The following BPIFA1 variants were observed in gnomAD, a reference collection of about 807,000 sequenced individuals.
BPIFA1 encodes the protein BPI fold containing family A member 1, also known as BPI fold-containing family A member 1.
A neutral mutation model predicts 25.1 loss-of-function variants in BPIFA1; 24 were observed. The ratio of observed to expected loss-of-function variants is 0.96; its 90% CI spans 0.69 to 1.35. BPIFA1 has a LOEUF of 1.35. BPIFA1 is among the 40% of genes most tolerant of loss of function. The pLI, the probability that BPIFA1 is intolerant of heterozygous loss-of-function variation, is 0.00. For missense variants in BPIFA1, 344 were observed against 303.7 expected (o/e 1.13, Z -0.99); for synonymous variants, 139 against 131.8 (o/e 1.05, Z -0.37).
chr20:33,238,127 A>G lies in BPIFA1; in HGVS notation c.233A>G (p.Lys78Arg), dbSNP rs745983430. The G allele has an allele frequency of 4.3e-6, 7 of 1,613,940 alleles. No homozygotes were observed. The highest frequency in any genetic ancestry group is 5.9e-6 in the Non-Finnish European group (7 of 1,179,940). ...AACCTTCCGCTCCTGGACATCCTGA[A>G]GCCTGGAGGAGGTACTTCTGGTGGC... ...LENLPLLDIL[K>R]PGGGTSGGLL... The change falls in exon 3 of 9, where the codon AAG becomes AGG. Residue 78 changes from lysine (K) to arginine (R), a missense_variant. By Grantham distance (26) the Lys-to-Arg change is conservative. Transcript: ENST00000354297.
Position 33,242,157 on chromosome 20 carries a change from AG to A in BPIFA1, c.730+40del, listed in dbSNP as rs763739988. 8 of 1,602,382 alleles carry A rather than the reference AG, an allele frequency of 5.0e-6. No individual in the cohort carries two copies. The African/African-American group carries it at 8.0e-5, about 16-fold the overall frequency. ...TTTCAAGCCCTCTGTCCCTCTCTGCAGGAGCAGCAACTTCCCCCAAGGAGTT... is the reference window on the plus strand; with the variant it reads ...TTTCAAGCCCTCTGTCCCTCTCTGCAGAGCAGCAACTTCCCCCAAGGAGTT... On this transcript the variant is annotated intron_variant, in intron 7 of 8. Coordinates refer to ENST00000354297, the MANE Select transcript of BPIFA1 (RefSeq NM_130852.3).
At chr20:33,238,321 A>T in intron 3 of BPIFA1, 107 bp downstream of exon 3, 1 of 1,314,836 alleles carries the variant, frequency 7.6e-7, no homozygotes, top group Non-Finnish European at 1.0e-6. Context: ...GCAGCGAGGG[A>T]GCGGCCTGAA....
In BPIFA1 at chr20:33,238,600, T is replaced by C. The variant is rs1181752939; in HGVS notation, c.320+386T>C. On this transcript the variant is annotated intron_variant, in intron 3 of 8. Transcript: ENST00000354297. ...TATCCTAACTCCAAAGCCAAGGCTC[T>C]TCCCACTACACTGTGGTCATTTTGT... Among the ~76,000 whole-genome samples the C allele has an allele frequency of 3.9e-5, 6 of 152,204 alleles. No individual in the cohort carries two copies. In the South Asian group the frequency reaches 6.2e-4, roughly 16 times the overall value.
At position 33,239,818 on chromosome 20, in the gene BPIFA1, C is replaced by T. The variant is rs758134197; in HGVS notation, c.336C>T (p.Asp112=). ...CCCTGGACAGCATAAAGGTCACTGACCCCCAGCTGCTGGAACTTGGCCTTG... is the reference window on the plus strand; with the variant it reads ...CCCTGGACAGCATAAAGGTCACTGATCCCCAGCTGCTGGAACTTGGCCTTG... ...LNNIIDIKVT[D]PQLLELGLVQ... The change falls in exon 4 of 9, where the codon GAC becomes GAT. Residue 112 remains aspartate, a synonymous_variant. Transcript: ENST00000354297. The T allele has an allele frequency of 1.2e-6, 2 of 1,614,082 alleles. No homozygotes were observed. The highest frequency in any genetic ancestry group is 1.1e-5 in the South Asian group (1 of 91,072).
At chr20:33,237,216 C>T (rs1600638216) in intron 1 of BPIFA1, among the ~76,000 whole-genome samples, 1 of 152,234 alleles carries the variant, frequency 6.6e-6, no homozygotes, top group South Asian at 2.1e-4. Context: ...GGAAAGTTAC[C>T]CACACTCGGT....
At position 33,240,338 on chromosome 20, in the gene BPIFA1, T is replaced by C; in HGVS notation, c.534T>C (p.Gly178=). The C allele has an allele frequency of 6.2e-7, 1 of 1,614,116 alleles. No homozygotes were observed. The highest frequency in any genetic ancestry group is 8.5e-7 in the Non-Finnish European group (1 of 1,180,008). Residue 178 remains glycine, a synonymous_variant, in exon 5 of 9, where the codon GGT becomes GGC. Transcript: ENST00000354297. ...AGGAGAGGATCCACCTGGTCCTTGGTGACTGCACCCATTCCCCTGGAAGCC... is the reference window on the plus strand; with the variant it reads ...AGGAGAGGATCCACCTGGTCCTTGGCGACTGCACCCATTCCCCTGGAAGCC... ...DKQERIHLVL[G]DCTHSPGSLQ... is the part of the protein sequence containing the mutation.
intron 6 of BPIFA1, 49 bp from the exon 7 acceptor site, chr20:33,242,007 C>A: frequency 6.5e-7 from 1 of 1,543,712 alleles, no homozygotes; most frequent in Non-Finnish European, 9.0e-7. Context: ...AGGGATTCTG[C>A]TGCTCCAGGG....
At chr20:33,242,403 GC>G (rs776757921) in intron 7 of BPIFA1, 83 bp from the exon 8 acceptor site, 11 of 1,515,932 alleles carry the variant, frequency 7.3e-6, no homozygotes, top group African/African-American at 6.9e-5. Flanking sequence ...CCATTCCCTG[GC>G]CCCCCACCTT....
In BPIFA1 at chr20:33,243,258, T is replaced by C. The variant is rs1979072881; in HGVS notation, c.*186T>C. 1 of 152,276 alleles carries C rather than the reference T, an allele frequency of 6.6e-6. No individual in the cohort carries two copies. The allele number at this position is 152,276 out of a possible 1,614,324, so 9.4% of individuals were successfully genotyped here. A position where few individuals can be genotyped will look rare whatever the true frequency, so the allele number is the denominator to read the frequency against. The stretch of plus-strand genomic sequence containing the variant: ...GCCCCCTCTCCTTTCCCACCAGGCG[T>C]GTGTAACATCCCATGTGCCTCACCT... On this transcript the variant is annotated 3_prime_UTR_variant, in exon 9 of 9. Transcript: ENST00000354297.
At chr20:33,237,619 C>G in intron 1 of BPIFA1, 78 bp from the exon 2 acceptor site, 1 of 1,228,404 alleles carries the variant, frequency 8.1e-7, no homozygotes, top group Non-Finnish European at 1.1e-6. Context: ...CAACCCCACC[C>G]CCCAGGTGTC....
chr20:33,241,891 T>C (rs537551739), intron 6 of BPIFA1, among the ~76,000 whole-genome samples, 165 bp from the exon 7 acceptor site: 4 of 152,348 alleles, frequency 2.6e-5, no homozygotes, highest in East Asian at 1.9e-4. Flanking sequence ...ACATCCCTCA[T>C]GCCTCCAGTT....
chr20:33,237,618 C>T (rs974821206), intron 1 of BPIFA1, 79 bp from the exon 2 acceptor site: 79 of 1,221,566 alleles, frequency 6.5e-5, no homozygotes, highest in Non-Finnish European at 8.3e-5. Flanking sequence ...ACAACCCCAC[C>T]CCCCAGGTGT....
chr20:33,238,722 A>G (rs942287330), intron 3 of BPIFA1, among the ~76,000 whole-genome samples: 2 of 152,224 alleles, frequency 1.3e-5, no homozygotes, highest in African/African-American at 4.8e-5. Context: ...GATGAAAAAC[A>G]GTGTGATGTC....
At chr20:33,242,199 C>A in intron 7 of BPIFA1, 80 bp downstream of exon 7, 1 of 1,366,856 alleles carries the variant, frequency 7.3e-7, no homozygotes, top group Non-Finnish European at 1.0e-6. Flanking sequence ...CCTGCACACC[C>A]TAGGATACTA....
chr20:33,241,470 G>C lies in BPIFA1; in HGVS notation c.666+1G>C. On this transcript the variant is annotated splice_donor_variant, in intron 6 of 8. Transcript: ENST00000354297. LOFTEE classifies it high-confidence loss of function. ...CCTGCCTGAGTTGGTTCAGGGCAAC[G>C]TAAGTAGGCAAGGTGGGGATCCCCT... 7.5e-6 allele frequency: 12 copies of C among 1,610,650 alleles called. No individual in the cohort carries two copies. The highest frequency in any genetic ancestry group is 1.0e-5 in the Non-Finnish European group (12 of 1,176,746).
At chr20:33,237,991 G>A (rs1407019) in intron 2 of BPIFA1, 64 bp from the exon 3 acceptor site, 393,773 of 1,552,040 alleles carry the variant, frequency 0.25, 52,470 homozygotes, top group African/African-American at 0.36. Context: ...CTGGATGGGG[G>A]AGGGGGCCTG....
Position 33,242,523 on chromosome 20 carries a change from T to C in BPIFA1, c.767T>C (p.Val256Ala). The part of the protein sequence containing the change: ...LIHGLQFVIK[V>A] Reference sequence around the variant, plus strand: ...CACGGACTACAGTTTGTCATCAAGGTCTAAGCCTTCCAGGAAGGGGCTGGC... The same window carrying C: ...CACGGACTACAGTTTGTCATCAAGGCCTAAGCCTTCCAGGAAGGGGCTGGC... Residue 256 changes from valine to alanine, a missense_variant, in exon 8 of 9, where the codon GTC becomes GCC. Coordinates refer to ENST00000354297, the MANE Select transcript of BPIFA1 (RefSeq NM_130852.3). 16 of 1,614,050 alleles carry C rather than the reference T, an allele frequency of 9.9e-6. No homozygotes were observed. The highest frequency in any genetic ancestry group is 1.4e-5 in the Non-Finnish European group (16 of 1,179,962).
chr20:33,240,068 C>T (rs1463376590), intron 4 of BPIFA1, among the ~76,000 whole-genome samples, 158 bp downstream of exon 4: 4 of 152,248 alleles, frequency 2.6e-5, no homozygotes, highest in African/African-American at 7.2e-5. Flanking sequence ...ACTTGGGAAA[C>T]TCACTTGACC....
At chr20:33,239,350 A>G (rs1246988404) in intron 3 of BPIFA1, among the ~76,000 whole-genome samples, 2 of 152,196 alleles carry the variant, frequency 1.3e-5, no homozygotes, top group African/African-American at 4.8e-5. Context: ...TTGCACCTGC[A>G]TCATCCATTC....
Sources: allele counts gnomAD v4.1 joint callset (sites outside exome capture counted in the v4.1 genomes callset), GRCh38; gene constraint gnomAD v4.1.1; transcripts MANE v1.5; gene names NCBI Gene and HGNC (gene_info 2026-07-23, HGNC 2026-07-21).